TENM4: variants seen among roughly 807,000 people sequenced by gnomAD.
TENM4 encodes teneurin-4.
Under a neutral mutation model 243.3 loss-of-function variants are expected in TENM4, and 82 were observed. The ratio of observed to expected loss-of-function variants is 0.34; its 90% CI spans 0.28 to 0.40. The LOEUF (loss-of-function observed/expected upper bound fraction) is 0.40, where lower values mean the gene tolerates loss of function less well. Among genes scored for constraint, TENM4 ranks in the 10% least tolerant of loss-of-function variants. The pLI is 1.00. For missense variants in TENM4, 3,138 were observed against 3,673.3 expected, an observed-to-expected ratio of 0.85 and a Z score of 3.77; for synonymous variants, 1,412 against 1,456.3, an observed-to-expected ratio of 0.97 and a Z score of 0.69.
intron 2 of TENM4, among the ~76,000 whole-genome samples, chr11:79,270,246 C>A (rs2135343783): frequency 6.6e-6 from 1 of 152,300 alleles, no homozygotes; most frequent in South Asian, 2.1e-4. Flanking sequence ...GAGGGTGTAA[C>A]TGGCACTTAG....
At chr11:78,864,836 CAG>C (rs1167379772) in intron 9 of TENM4, among the ~76,000 whole-genome samples, 1 of 152,186 alleles carries the variant, frequency 6.6e-6, no homozygotes, top group Non-Finnish European at 1.5e-5. Flanking sequence ...AGAATGAAAT[CAG>C]AGAGTCCTTG....
At chr11:79,278,620 G>T (rs1373063738) in intron 2 of TENM4, among the ~76,000 whole-genome samples, 1 of 152,138 alleles carries the variant, frequency 6.6e-6, no homozygotes, top group Non-Finnish European at 1.5e-5. Flanking sequence ...CTTCATCTTT[G>T]TTGTATTTTA....
chr11:78,719,266 G>A (rs921217205), intron 25 of TENM4, among the ~76,000 whole-genome samples: 1 of 152,100 alleles, frequency 6.6e-6, no homozygotes, highest in African/African-American at 2.4e-5. Flanking sequence ...GTCTACTGAT[G>A]TAATCATGGA....
intron 1 of TENM4, among the ~76,000 whole-genome samples, chr11:79,416,658 G>A (rs1328008778): frequency 1.3e-5 from 2 of 152,136 alleles, no homozygotes; most frequent in Non-Finnish European, 2.9e-5. Context: ...CTAACGAGAT[G>A]GTATTAAGAT....
intron 6 of TENM4, among the ~76,000 whole-genome samples, chr11:79,019,997 C>A (rs533964261): frequency 1.3e-5 from 2 of 152,302 alleles, no homozygotes; most frequent in South Asian, 4.1e-4. Context: ...ATCCCACCAC[C>A]CTGCCAGCCT....
chr11:79,044,696 T>C (rs1859617550), intron 6 of TENM4, among the ~76,000 whole-genome samples: 1 of 152,206 alleles, frequency 6.6e-6, no homozygotes, highest in Non-Finnish European at 1.5e-5. Context: ...TTGTGATTTT[T>C]AGGTTTCCCA....
At chr11:79,217,638 A>G (rs1398304292) in intron 2 of TENM4, among the ~76,000 whole-genome samples, 1 of 152,232 alleles carries the variant, frequency 6.6e-6, no homozygotes, top group African/African-American at 2.4e-5. Flanking sequence ...TCTATTAGGC[A>G]GGAACATTCA....
intron 28 of TENM4, among the ~76,000 whole-genome samples, chr11:78,701,022 T>G (rs1423291214): frequency 3.3e-5 from 5 of 152,192 alleles, no homozygotes; most frequent in Non-Finnish European, 7.3e-5. Context: ...GCAATACACT[T>G]CATAAGAAAA....
At position 78,670,490 on chromosome 11, in the gene TENM4, C is replaced by A; in HGVS notation, c.5855G>T (p.Arg1952Leu). 4.3e-6 allele frequency: 7 copies of A among 1,613,680 alleles called. No homozygotes were observed. Among genetic ancestry groups the A allele is most frequent in the Non-Finnish European group, 5.9e-6 (7 of 1,179,806 alleles). The change falls in exon 32 of 34, where the codon CGC becomes CTC. Residue 1952 changes from arginine (R) to leucine (L), a missense_variant. By Grantham distance (102) the Arg-to-Leu change is moderately radical. This residue lies in a region of TENM4 where 2,467 missense variants were observed against 3,059.1 expected (regional missense o/e 0.81). Transcript: ENST00000278550. ...GTTGGGCATCGTCACAGAAGAGAGG[C>A]GGTCATTCTTGTCGAACTCAAAGAT... ...QYIFEFDKND[R>L]LSSVTMPNVA...
chr11:78,702,305 G>C lies in TENM4; in HGVS notation c.4308C>G (p.His1436Gln), dbSNP rs1161944312. 2 of 1,613,914 alleles carry C rather than the reference G, an allele frequency of 1.2e-6. No homozygotes were observed. Among genetic ancestry groups the C allele is most frequent in the African/African-American group, 1.3e-5 (1 of 74,930 alleles). The change falls in exon 28 of 34, where the codon CAC becomes CAG. Residue 1436 changes from histidine (H) to glutamine (Q), a missense_variant. By Grantham distance (24) the His-to-Gln change is conservative. Around this residue, in one of 2 missense-constraint regions of TENM4, gnomAD observed 2,467 missense variants for 3,059.1 expected, o/e 0.81. Coordinates refer to ENST00000278550, the MANE Select transcript of TENM4 (RefSeq NM_001098816.3). ...GCCTCCCGGCGACAATGCGCACCTG[G>C]TGGTTTTCAGAGATTTGCAGGACCA... ...NNVVLQISEN[H>Q]QVRIVAGRPM...
chr11:78,705,974 T>A (rs1405445441), intron 27 of TENM4, among the ~76,000 whole-genome samples: 1 of 152,246 alleles, frequency 6.6e-6, no homozygotes, highest in Non-Finnish European at 1.5e-5. Flanking sequence ...TGCTGGGCAC[T>A]GTACTAGACA....
In TENM4 at chr11:78,726,201, T is replaced by A; in HGVS notation, c.3428A>T (p.Glu1143Val). The change falls in exon 23 of 34, where the codon GAA (glutamate) becomes GTA (valine). Residue 1143 changes from glutamate (E) to valine (V), a missense_variant. Glu to Val is a moderately radical substitution (Grantham distance 121). Coordinates refer to ENST00000278550, the MANE Select transcript of TENM4 (RefSeq NM_001098816.3). ...CCACAGGATTAGATCTGGGCAGGATTCATATTCATAACCCACGGAAACTGT... is the reference window on the plus strand; with the variant it reads ...CCACAGGATTAGATCTGGGCAGGATACATATTCATAACCCACGGAAACTGT... ...EAFVSVGYEYESCPDLILWEK... is the reference protein window; with the variant it reads ...EAFVSVGYEYVSCPDLILWEK... 6.2e-7 allele frequency: 1 copy of A among 1,613,886 alleles called. No individual in the cohort carries two copies. The highest frequency in any genetic ancestry group is 8.5e-7 in the Non-Finnish European group (1 of 1,179,846).
intron 1 of TENM4, among the ~76,000 whole-genome samples, chr11:79,433,812 C>G (rs7127580): frequency 0.1 from 15,796 of 152,226 alleles, 888 homozygotes; most frequent in African/African-American, 0.14. Context: ...CAGAAACACC[C>G]CTTCACCTTC....
intron 2 of TENM4, among the ~76,000 whole-genome samples, chr11:79,294,621 G>C (rs1008798721): frequency 6.6e-6 from 1 of 152,150 alleles, no homozygotes; most frequent in African/African-American, 2.4e-5. Context: ...GGATGAGGTG[G>C]GCAAATCATC....
chr11:79,261,179 A>G (rs1855789454), intron 2 of TENM4, among the ~76,000 whole-genome samples: 3 of 152,160 alleles, frequency 2.0e-5, no homozygotes, highest in African/African-American at 7.2e-5. Context: ...TTTTGTGTGG[A>G]AAGTTCACTG....
intron 4 of TENM4, among the ~76,000 whole-genome samples, chr11:79,144,290 A>T (rs1483432096): frequency 1.3e-5 from 2 of 152,066 alleles, no homozygotes; most frequent in Admixed American, 6.6e-5. Flanking sequence ...TTATCCAAAA[A>T]GCAGGCAATA....
intron 1 of TENM4, among the ~76,000 whole-genome samples, chr11:79,436,146 A>T (rs1246836910): frequency 6.6e-6 from 1 of 152,196 alleles, no homozygotes. Flanking sequence ...AAGGGACCAC[A>T]GTATGCCAGA....
At chr11:79,391,012 T>G (rs1218918167) in intron 1 of TENM4, among the ~76,000 whole-genome samples, 1 of 152,148 alleles carries the variant, frequency 6.6e-6, no homozygotes, top group Admixed American at 6.5e-5. Flanking sequence ...GTGGACATGG[T>G]TTTTACATAA....
At chr11:79,239,853 C>T (rs1011057653) in intron 2 of TENM4, among the ~76,000 whole-genome samples, 7 of 152,110 alleles carry the variant, frequency 4.6e-5, no homozygotes, top group East Asian at 1.9e-4. Context: ...AAAGACCACG[C>T]GCAGAGCTAA....
Sources: gnomAD v4.1 joint callset for allele counts (sites outside exome capture counted in the v4.1 genomes callset) on GRCh38, gnomAD v4.1.1 for gene constraint, gnomAD v4.1.1 regional missense constraint, MANE v1.5 for transcripts, NCBI Gene and HGNC (gene_info 2026-07-23, HGNC 2026-07-21) for gene names.